The following PPP1R1C variants were observed in gnomAD, a reference collection of about 807,000 sequenced individuals.
PPP1R1C encodes protein phosphatase 1 regulatory inhibitor subunit 1C.
PPP1R1C carries 15 observed loss-of-function variants against 17.4 expected under a neutral mutation model. That is an observed-to-expected ratio of 0.86 (90% CI 0.58 to 1.33). The LOEUF is 1.33. Ranked by LOEUF, PPP1R1C falls within the 40% of genes most tolerant of loss-of-function variation. The pLI is 0.00. For missense variants in PPP1R1C, 143 were observed against 130.0 expected, an observed-to-expected ratio of 1.10 and a Z score of -0.48; for synonymous variants, 35 against 43.1, an observed-to-expected ratio of 0.81 and a Z score of 0.73.
intron 2 of PPP1R1C, among the ~76,000 whole-genome samples, chr2:182,047,728 T>A (rs1190791922): frequency 6.6e-6 from 1 of 152,156 alleles, no homozygotes; most frequent in Non-Finnish European, 1.5e-5. Context: ...AGAAACTAAG[T>A]TCATAAAAAT....
chr2:181,981,223 C>T (rs564725482), upstream of PPP1R1C, among the ~76,000 whole-genome samples: 14 of 152,206 alleles, frequency 9.2e-5, 1 homozygote, highest in African/African-American at 2.6e-4. Flanking sequence ...CCACCGTGCC[C>T]GGCCAAGGAG....
intron 4 of PPP1R1C, among the ~76,000 whole-genome samples, chr2:182,095,443 T>A (rs1688904921): frequency 6.6e-6 from 1 of 152,242 alleles, no homozygotes. Context: ...TGTAGCCATA[T>A]GGTCGTCATT....
chr2:182,115,096 T>C (rs1281433741), intron 4 of PPP1R1C, among the ~76,000 whole-genome samples: 1 of 152,130 alleles, frequency 6.6e-6, no homozygotes, highest in Non-Finnish European at 1.5e-5. Context: ...AAAGATGAGC[T>C]CTGGAGTCAT....
At chr2:182,021,484 C>T (rs1002998653) in intron 2 of PPP1R1C, among the ~76,000 whole-genome samples, 1 of 151,946 alleles carries the variant, frequency 6.6e-6, no homozygotes, top group African/African-American at 2.4e-5. Context: ...CGAGACACCA[C>T]GCCTGGCTAA....
chr2:182,110,648 A>C (rs925828978), intron 4 of PPP1R1C, among the ~76,000 whole-genome samples: 2 of 152,070 alleles, frequency 1.3e-5, no homozygotes, highest in Non-Finnish European at 2.9e-5. Context: ...CACACACAAC[A>C]TTTGCTTCTG....
intron 4 of PPP1R1C, among the ~76,000 whole-genome samples, chr2:182,098,684 A>C (rs187987347): frequency 2.0e-5 from 3 of 152,342 alleles, no homozygotes; most frequent in Admixed American, 2.0e-4. Context: ...ATATTAATGC[A>C]AGAAGTAGTT....
chr2:182,051,370 G>T (rs1645970731), intron 2 of PPP1R1C, among the ~76,000 whole-genome samples: 1 of 152,204 alleles, frequency 6.6e-6, no homozygotes, highest in Admixed American at 6.5e-5. Flanking sequence ...TACCATGAGA[G>T]GTGTAATACT....
chr2:182,061,853 G>T (rs1164975645), intron 3 of PPP1R1C, among the ~76,000 whole-genome samples: 1 of 152,022 alleles, frequency 6.6e-6, no homozygotes, highest in Non-Finnish European at 1.5e-5. Flanking sequence ...GGGTCTTCTG[G>T]TATGTGGAGC....
At chr2:182,004,771 C>T (rs1247130700) in intron 2 of PPP1R1C, among the ~76,000 whole-genome samples, 1 of 152,124 alleles carries the variant, frequency 6.6e-6, no homozygotes, top group African/African-American at 2.4e-5. Context: ...TAAGAAGGTC[C>T]CTGTGGCTGC....
chr2:182,011,395 A>G (rs534638244), intron 2 of PPP1R1C, among the ~76,000 whole-genome samples: 1 of 152,110 alleles, frequency 6.6e-6, no homozygotes, highest in South Asian at 2.1e-4. Context: ...TTTCAAATTT[A>G]TTGACATATA....
At chr2:181,984,772 T>C (rs1049163968), upstream of PPP1R1C, among the ~76,000 whole-genome samples, 1 of 152,200 alleles carries the variant, frequency 6.6e-6, no homozygotes, top group African/African-American at 2.4e-5. Flanking sequence ...CTAAATATAT[T>C]AAGTACATCC....
At chr2:182,117,125 TTTTC>T in intron 4 of PPP1R1C, 78 bp from the exon 5 acceptor site, 1 of 1,006,128 alleles carries the variant, frequency 9.9e-7, no homozygotes, top group African/African-American at 1.7e-5. Flanking sequence ...CTTTGCACTC[TTTTC>T]TTTATCTTTT....
At chr2:182,117,828 A>G (rs1334830926), downstream of PPP1R1C, 1 of 152,230 alleles carries the variant, frequency 6.6e-6, no homozygotes, top group Admixed American at 6.6e-5. Flanking sequence ...AAGAAATGCC[A>G]GTTTTCTTGA....
chr2:182,013,030 A>G (rs1196188), intron 2 of PPP1R1C, among the ~76,000 whole-genome samples: 141,518 of 152,170 alleles, frequency 0.93, 66,100 homozygotes, highest in Non-Finnish European at 0.98. Context: ...GCATCATTTA[A>G]TCTTATTACT....
At chr2:181,983,402 A>G (rs1010787913), upstream of PPP1R1C, among the ~76,000 whole-genome samples, 6 of 152,212 alleles carry the variant, frequency 3.9e-5, no homozygotes, top group African/African-American at 1.4e-4. Flanking sequence ...AATGCAGATA[A>G]AGCACTTAGA....
Position 181,962,987 on chromosome 2 carries a change from G to T in PPP1R1C, n.111+8353G>T, listed in dbSNP as rs11898245. Among the ~76,000 whole-genome samples the T allele has an allele frequency of 6.4e-3, 968 of 152,208 alleles. 17 individuals carry two copies. Among genetic ancestry groups the T allele is most frequent in the African/African-American group, 0.022 (907 of 41,510 alleles). On this transcript the variant is annotated intron_variant and non_coding_transcript_variant, in intron 1 of 5. Coordinates refer to the PPP1R1C transcript ENST00000464264. The surrounding 1 kb of genome is among the most constrained non-coding windows in gnomAD (Gnocchi z 6.0). The stretch of plus-strand genomic sequence containing the variant: ...ATATACAACACAGAGCAGGGCTGCC[G>T]ATCCCCAAGACTCTAAATAAAAGTT...
intron 2 of PPP1R1C, among the ~76,000 whole-genome samples, chr2:181,993,855 A>G (rs1327812300): frequency 3.3e-5 from 5 of 152,116 alleles, no homozygotes; most frequent in East Asian, 1.9e-4. Flanking sequence ...AAGGCTTGCT[A>G]CATTGTAAGT....
At chr2:181,996,876 A>G (rs1346860933) in intron 2 of PPP1R1C, among the ~76,000 whole-genome samples, 1 of 152,258 alleles carries the variant, frequency 6.6e-6, no homozygotes, top group Non-Finnish European at 1.5e-5. Context: ...CTTTGCCTCA[A>G]TGATGCAATA....
chr2:181,961,126 C>G lies in PPP1R1C; in HGVS notation n.111+6492C>G. ...ATAGCAGTTTTCTTGTCTTCCTTCC[C>G]TCCCTTCCTTCCTTCCTTTCACCTC... On this transcript the variant is annotated intron_variant and non_coding_transcript_variant, in intron 1 of 5. Transcript: ENST00000464264. This position sits in a 1 kb window ranked among gnomAD's most constrained non-coding sequence, Gnocchi z 5.8. 1 of 602,156 alleles carries G rather than the reference C, an allele frequency of 1.7e-6. No homozygotes were observed. Among genetic ancestry groups the G allele is most frequent in the Non-Finnish European group, 3.0e-6 (1 of 333,934 alleles). 37.3% of individuals were successfully genotyped at this position (602,156 alleles called of 1,614,324 possible). A position where few individuals can be genotyped will look rare whatever the true frequency, so the allele number is the denominator to read the frequency against.
Sources: allele counts gnomAD v4.1 joint callset (sites outside exome capture counted in the v4.1 genomes callset), GRCh38; gene constraint gnomAD v4.1.1; non-coding constraint Gnocchi (gnomAD v3.1); transcripts MANE v1.5; gene names NCBI Gene and HGNC (gene_info 2026-07-23, HGNC 2026-07-21).